The following RBMS3 variants were observed in gnomAD, a reference collection of about 807,000 sequenced individuals.
RBMS3 encodes RNA-binding motif, single-stranded-interacting protein 3.
Under a neutral mutation model 66.8 loss-of-function variants are expected in RBMS3, and 27 were observed. The observed-to-expected ratio is 0.40, with a 90% confidence interval of 0.30 to 0.56. RBMS3 has a LOEUF of 0.56. Among genes scored for constraint, RBMS3 ranks in the 20% least tolerant of loss-of-function variants. RBMS3 has a pLI of 0.40. For missense variants in RBMS3, 513 were observed against 549.5 expected (o/e 0.93, Z 0.66); for synonymous variants, 188 against 183.0 (o/e 1.03, Z -0.22).
chr3:29,995,105 C>T (rs1341361929), intron 14 of RBMS3, among the ~76,000 whole-genome samples: 1 of 152,144 alleles, frequency 6.6e-6, no homozygotes, highest in East Asian at 1.9e-4. Context: ...AAAACCAAGG[C>T]TCAAGAACTA....
chr3:29,392,419 G>C (rs756163078), intron 1 of RBMS3, among the ~76,000 whole-genome samples: 6 of 152,132 alleles, frequency 3.9e-5, no homozygotes, highest in Non-Finnish European at 8.8e-5. Flanking sequence ...ACTCATGAGA[G>C]TAGACTTTCT....
At chr3:29,544,311 TATTA>T (rs2045868919) in intron 3 of RBMS3, among the ~76,000 whole-genome samples, 1 of 152,166 alleles carries the variant, frequency 6.6e-6, no homozygotes, top group Non-Finnish European at 1.5e-5. Flanking sequence ...AGAAATTACT[TATTA>T]ATTCATGTTC....
rs1553698248 is a variant in RBMS3, at chr3:29,910,759, A to ATACATATATATG, written c.939+11006_939+11007insCATATATATGTA. On this transcript the variant is annotated intron_variant, in intron 10 of 14. Transcript: ENST00000383767. The stretch of plus-strand genomic sequence containing the variant: ...AAAGGGAAAAACTATACATATACAT[A>ATACATATATATG]TATATGTATACGTATATGTATATAA... 6.6e-5 allele frequency among the ~76,000 whole-genome samples: 10 copies of ATACATATATATG among 150,868 alleles called. No homozygotes were observed. In the Middle Eastern group the frequency reaches 0.017, roughly 257 times the overall value.
rs184345364 is a variant in RBMS3, at chr3:30,008,420, A to G, written c.*4558A>G. On this transcript the variant is annotated 3_prime_UTR_variant, in exon 15 of 15. Coordinates refer to ENST00000383767, the MANE Select transcript of RBMS3 (RefSeq NM_001003793.3). ...AAAGGGACAATGTTTATGTACGTGTATAACAACATTCAGCACATTTGAGGA... is the reference window on the plus strand; with the variant it reads ...AAAGGGACAATGTTTATGTACGTGTGTAACAACATTCAGCACATTTGAGGA... 1 of 152,236 alleles carries G rather than the reference A, an allele frequency of 6.6e-6. No individual in the cohort carries two copies. Among genetic ancestry groups the G allele is most frequent in the East Asian group, 1.9e-4 (1 of 5,192 alleles). 9.4% of individuals were successfully genotyped at this position (152,236 alleles called of 1,614,324 possible). A position where few individuals can be genotyped will look rare whatever the true frequency, so the allele number is the denominator to read the frequency against.
At chr3:29,779,724 T>A (rs1439107540) in intron 6 of RBMS3, among the ~76,000 whole-genome samples, 2 of 145,688 alleles carry the variant, frequency 1.4e-5, no homozygotes, top group Non-Finnish European at 3.1e-5. Context: ...TATATATATA[T>A]AAACAACCCC....
intron 4 of RBMS3, among the ~76,000 whole-genome samples, chr3:29,640,292 A>C (rs2049651316): frequency 1.3e-5 from 2 of 151,108 alleles, no homozygotes; most frequent in Admixed American, 1.3e-4. Flanking sequence ...ACACCCACAC[A>C]CACACGAAAG....
chr3:29,745,717 A>C (rs1024958617), intron 5 of RBMS3, among the ~76,000 whole-genome samples: 1 of 152,136 alleles, frequency 6.6e-6, no homozygotes, highest in African/African-American at 2.4e-5. Context: ...GAGACCACTG[A>C]ACAGAGAGAC....
intron 2 of RBMS3, among the ~76,000 whole-genome samples, chr3:29,479,329 T>C (rs2125815765): frequency 6.6e-6 from 1 of 150,482 alleles, no homozygotes; most frequent in East Asian, 1.9e-4. Context: ...ATATACAATG[T>C]ATATATACAT....
At chr3:29,905,441 T>A (rs1479691778) in intron 10 of RBMS3, among the ~76,000 whole-genome samples, 1 of 151,966 alleles carries the variant, frequency 6.6e-6, no homozygotes, top group Non-Finnish European at 1.5e-5. Context: ...TTTTTTTGAT[T>A]TTTTTTCCCC....
chr3:29,722,167 A>G (rs1390801292), intron 4 of RBMS3, among the ~76,000 whole-genome samples: 3 of 152,188 alleles, frequency 2.0e-5, no homozygotes, highest in African/African-American at 7.2e-5. Context: ...GGCTATCAAA[A>G]TTAACAGCTT....
chr3:29,808,176 C>A (rs548680094), intron 6 of RBMS3, among the ~76,000 whole-genome samples: 1 of 151,780 alleles, frequency 6.6e-6, no homozygotes, highest in Non-Finnish European at 1.5e-5. Context: ...TTTTGTTGTT[C>A]ATTTTTTTTT....
In RBMS3 at chr3:29,605,707, G is replaced by A. The variant is rs142121095; in HGVS notation, c.399+18502G>A. Among the ~76,000 whole-genome samples the A allele has an allele frequency of 3.2e-4, 49 of 151,956 alleles. 1 individual carries two copies. Among genetic ancestry groups the A allele is most frequent in the African/African-American group, 1.1e-3 (47 of 41,514 alleles). Reference sequence around the variant, plus strand: ...TTTGGCAGTTCAGATTCTACAAGGCGGGGAACAGTACAGCTTTGGGACCCT... The same window carrying A: ...TTTGGCAGTTCAGATTCTACAAGGCAGGGAACAGTACAGCTTTGGGACCCT... On this transcript the variant is annotated intron_variant, in intron 4 of 14. Transcript: ENST00000383767.
At chr3:29,777,937 G>A (rs76811617) in intron 6 of RBMS3, among the ~76,000 whole-genome samples, 7,514 of 151,854 alleles carry the variant, frequency 0.049, 246 homozygotes, top group Admixed American at 0.081. Flanking sequence ...CAGGAGAATG[G>A]ATTCATTAAC....
intron 1 of RBMS3, among the ~76,000 whole-genome samples, chr3:29,422,678 A>G (rs974040636): frequency 3.9e-5 from 6 of 152,124 alleles, no homozygotes; most frequent in African/African-American, 1.4e-4. Context: ...AAACTTGAAC[A>G]TTAATTTATT....
At chr3:29,738,344 G>T (rs973707162) in intron 4 of RBMS3, among the ~76,000 whole-genome samples, 2 of 151,934 alleles carry the variant, frequency 1.3e-5, no homozygotes, top group African/African-American at 4.8e-5. Context: ...TAAGGTTTTT[G>T]TTTAGTTAAA....
rs555693548 is a variant in RBMS3, at chr3:29,322,597, T to C, written c.75+40841T>C. On this transcript the variant is annotated intron_variant, in intron 1 of 14. Coordinates refer to ENST00000383767, the MANE Select transcript of RBMS3 (RefSeq NM_001003793.3). Reference sequence around the variant, plus strand: ...AAGTACCTAGTCCAGATCAAGTCAGTTGCCATGCTAATTAGTTTTCACATA... The same window carrying C: ...AAGTACCTAGTCCAGATCAAGTCAGCTGCCATGCTAATTAGTTTTCACATA... Among the ~76,000 whole-genome samples, 22 of 151,800 alleles carry C rather than the reference T, an allele frequency of 1.4e-4. No individual in the cohort carries two copies. In the East Asian group the frequency reaches 3.9e-3, roughly 27 times the overall value.
chr3:29,321,086 G>T (rs2034981840), intron 1 of RBMS3, among the ~76,000 whole-genome samples: 1 of 151,928 alleles, frequency 6.6e-6, no homozygotes, highest in South Asian at 2.1e-4. Flanking sequence ...CAGTTCATAG[G>T]GCAGGAACCT....
At chr3:29,659,181 T>C (rs1181096168) in intron 4 of RBMS3, among the ~76,000 whole-genome samples, 1 of 152,162 alleles carries the variant, frequency 6.6e-6, no homozygotes, top group Non-Finnish European at 1.5e-5. Context: ...ATGCACATTT[T>C]AAATGTACAG....
At chr3:29,879,366 CTTA>C (rs1193493394) in intron 7 of RBMS3, among the ~76,000 whole-genome samples, 2 of 152,002 alleles carry the variant, frequency 1.3e-5, no homozygotes, top group Non-Finnish European at 2.9e-5. Context: ...TTTTAATTAA[CTTA>C]TTTTTTATTG....
Sources: allele counts gnomAD v4.1 joint callset (sites outside exome capture counted in the v4.1 genomes callset), GRCh38; gene constraint gnomAD v4.1.1; transcripts MANE v1.5; gene names NCBI Gene and HGNC (gene_info 2026-07-23, HGNC 2026-07-21).